Variants in SLC39A9 observed in about 807,000 individuals in gnomAD.
SLC39A9 encodes the protein zinc transporter ZIP9.
SLC39A9 carries 14 observed loss-of-function variants against 28.4 expected under a neutral mutation model. The observed-to-expected ratio is 0.49, with a 90% CI of 0.33 to 0.77. The LOEUF (loss-of-function observed/expected upper bound fraction) is 0.77, where lower values mean the gene tolerates loss of function less well. Ranked by LOEUF, SLC39A9 falls within the 30% of genes least tolerant of loss-of-function variation. The pLI is 0.02. For missense variants in SLC39A9, 283 were observed against 381.1 expected, an observed-to-expected ratio of 0.74 and a Z score of 2.14; for synonymous variants, 119 against 149.6, an observed-to-expected ratio of 0.80 and a Z score of 1.49.
intron 4 of SLC39A9, among the ~76,000 whole-genome samples, chr14:69,454,095 C>T (rs1161861972): frequency 1.3e-5 from 2 of 152,168 alleles, no homozygotes; most frequent in Non-Finnish European, 2.9e-5. Context: ...AATCATAACC[C>T]AAACCTAGTC....
chr14:69,425,028 G>T (rs1884112019), intron 2 of SLC39A9, among the ~76,000 whole-genome samples: 1 of 152,196 alleles, frequency 6.6e-6, no homozygotes, highest in African/African-American at 2.4e-5. Flanking sequence ...TAGGCCTGGG[G>T]TTTGATAGAC....
chr14:69,428,570 A>G (rs1884321386), intron 2 of SLC39A9: 4 of 152,646 alleles, frequency 2.6e-5, no homozygotes, highest in Admixed American at 2.0e-4. Flanking sequence ...AGATGCCAAA[A>G]CAGTTGTGCC....
upstream of SLC39A9, chr14:69,398,386 A>C (rs2140237163): frequency 9.8e-7 from 1 of 1,024,630 alleles, no homozygotes; most frequent in East Asian, 2.6e-5. Flanking sequence ...ATAGAGGCAC[A>C]GTCACTTCCG....
rs188400979 is a variant in SLC39A9 at position 69,458,779 on chromosome 14, T to A, written c.*186T>A. ...AAAAGCTTTTAGAGTAGAAACACAT[T>A]TACGTTGCAGTTAGCTATAGACATC... On this transcript the variant is annotated 3_prime_UTR_variant, in exon 7 of 7. Transcript: ENST00000336643. The A allele has an allele frequency of 5.9e-6, 8 of 1,364,174 alleles. No homozygotes were observed. In the East Asian group the frequency reaches 1.0e-4, roughly 17 times the overall value. The allele number at this position is 1,364,174 out of a possible 1,614,324, so 84.5% of individuals were successfully genotyped here.
intron 1 of SLC39A9, among the ~76,000 whole-genome samples, chr14:69,410,367 G>A (rs1399233386): frequency 6.6e-6 from 1 of 151,652 alleles, no homozygotes; most frequent in African/African-American, 2.4e-5. Flanking sequence ...GCTTTTTTTT[G>A]CATGCTACTG....
intron 6 of SLC39A9, among the ~76,000 whole-genome samples, chr14:69,457,755 C>T (rs146539145): frequency 0.011 from 1,655 of 152,242 alleles, 15 homozygotes; most frequent in Non-Finnish European, 0.017. Context: ...GGAGCAGTGG[C>T]GCATACCTGT....
intron 1 of SLC39A9, among the ~76,000 whole-genome samples, chr14:69,415,390 A>G (rs1371530873): frequency 1.3e-5 from 2 of 152,194 alleles, no homozygotes; most frequent in Non-Finnish European, 2.9e-5. Context: ...GATGTTGAGC[A>G]CCTTTTCATG....
chr14:69,445,773 G>C (rs1037828661), intron 3 of SLC39A9, among the ~76,000 whole-genome samples: 2 of 152,158 alleles, frequency 1.3e-5, no homozygotes, highest in African/African-American at 4.8e-5. Flanking sequence ...ATTCCCCTGA[G>C]CATGCCTTTT....
chr14:69,438,375 C>T (rs139296710), intron 2 of SLC39A9, among the ~76,000 whole-genome samples: 194 of 152,304 alleles, frequency 1.3e-3, no homozygotes, highest in Admixed American at 0.011. Context: ...TCAAGAAAGA[C>T]GTTTGTATAC....
chr14:69,419,686 T>C (rs1164379393), intron 1 of SLC39A9, among the ~76,000 whole-genome samples: 1 of 152,244 alleles, frequency 6.6e-6, no homozygotes, highest in Admixed American at 6.5e-5. Flanking sequence ...CGGGTGCTCC[T>C]GTATTGGGTG....
chr14:69,400,425 G>A (rs191623511), intron 1 of SLC39A9, among the ~76,000 whole-genome samples: 5 of 152,310 alleles, frequency 3.3e-5, no homozygotes, highest in Admixed American at 3.3e-4. Context: ...CATGCTGATA[G>A]GTCCTTTAGG....
chr14:69,451,871 A>G (rs2139447818), intron 3 of SLC39A9, among the ~76,000 whole-genome samples: 1 of 152,134 alleles, frequency 6.6e-6, no homozygotes, highest in South Asian at 2.1e-4. Context: ...ATGCACCACC[A>G]CACTTGGCTA....
chr14:69,426,683 C>G (rs1884209748), intron 2 of SLC39A9, among the ~76,000 whole-genome samples: 1 of 152,080 alleles, frequency 6.6e-6, no homozygotes, highest in African/African-American at 2.4e-5. Flanking sequence ...CTTAAGACCC[C>G]AAGTCCTGCC....
chr14:69,450,637 G>C (rs988603961), intron 3 of SLC39A9, among the ~76,000 whole-genome samples: 1 of 152,110 alleles, frequency 6.6e-6, no homozygotes, highest in Non-Finnish European at 1.5e-5. Context: ...AATTAGCCAG[G>C]CATAGTGGCA....
rs541805187 is a variant in SLC39A9, at chr14:69,438,591, T to TA, written c.206-3469dup. Among the ~76,000 whole-genome samples the TA allele has an allele frequency of 1.3e-3, 191 of 151,192 alleles. 2 individuals carry two copies. The highest frequency in any genetic ancestry group is 9.6e-3 in the South Asian group (46 of 4,782). On this transcript the variant is annotated intron_variant, in intron 2 of 6. Transcript: ENST00000336643. ...AATTAGATGATTATCAGCTTTCACG[T>TA]AAAAAAAAACTGTCTATAGAAACAA...
rs551859368 is a variant in SLC39A9, at chr14:69,434,406, C to G, written c.206-7663C>G. On this transcript the variant is annotated intron_variant, in intron 2 of 6. Coordinates refer to ENST00000336643, the MANE Select transcript of SLC39A9 (RefSeq NM_018375.5). ...GCCTATTCTTTTCTAAGAATTTAGG[C>G]TAGGCATGGTGGCTCACGCCTGTAA... 1.7e-3 allele frequency among the ~76,000 whole-genome samples: 260 copies of G among 149,456 alleles called. 2 individuals carry two copies. The highest frequency in any genetic ancestry group is 6.1e-3 in the African/African-American group (249 of 41,072).
At chr14:69,424,030 C>A in intron 1 of SLC39A9, 64 bp from the exon 2 acceptor site, 1 of 1,212,842 alleles carries the variant, frequency 8.2e-7, no homozygotes, top group Non-Finnish European at 1.2e-6. Context: ...ATTACAGATA[C>A]TTGAGAAACT....
Position 69,458,603 on chromosome 14 carries a change from G to C in SLC39A9, c.*10G>C. On this transcript the variant is annotated 3_prime_UTR_variant, in exon 7 of 7. Coordinates refer to ENST00000336643, the MANE Select transcript of SLC39A9 (RefSeq NM_018375.5). The stretch of plus-strand genomic sequence containing the variant: ...AGGACACCAGCATTAAATGTTCAAG[G>C]TCCAGCCTTGGTCCAGGGCCGTTTG... The C allele has an allele frequency of 1.3e-6, 2 of 1,597,220 alleles. No individual in the cohort carries two copies. The highest frequency in any genetic ancestry group is 1.7e-6 in the Non-Finnish European group (2 of 1,169,238).
At chr14:69,434,980 A>G (rs1884674164) in intron 2 of SLC39A9, among the ~76,000 whole-genome samples, 2 of 152,180 alleles carry the variant, frequency 1.3e-5, no homozygotes, top group South Asian at 4.1e-4. Flanking sequence ...AAACTTACAG[A>G]TTTGTAAATG....
Sources: gnomAD v4.1 joint callset for allele counts (sites outside exome capture counted in the v4.1 genomes callset) on GRCh38, gnomAD v4.1.1 for gene constraint, MANE v1.5 for transcripts, NCBI Gene and HGNC (gene_info 2026-07-23, HGNC 2026-07-21) for gene names.